PFDN2: variants seen among roughly 807,000 people sequenced by gnomAD.
The protein encoded by PFDN2 is prefoldin 2.
Under a neutral mutation model 18.3 loss-of-function variants are expected in PFDN2, and 7 were observed. The ratio of observed to expected loss-of-function variants is 0.38; its 90% confidence interval spans 0.22 to 0.72. The LOEUF (loss-of-function observed/expected upper bound fraction) is 0.72. Among genes scored for constraint, PFDN2 ranks in the 30% least tolerant of loss-of-function variants. PFDN2 has a pLI of 0.47. For missense variants in PFDN2, 181 were observed against 199.1 expected (o/e 0.91, Z 0.55); for synonymous variants, 76 against 75.0 (o/e 1.01, Z -0.07).
chr1:161,106,669 C>T (rs964521883), intron 1 of PFDN2, among the ~76,000 whole-genome samples: 4 of 152,158 alleles, frequency 2.6e-5, no homozygotes, highest in Admixed American at 6.5e-5. Context: ...ACTCCTGATT[C>T]ATCTGTTGCC....
intron 1 of PFDN2, among the ~76,000 whole-genome samples, chr1:161,113,552 A>T (rs752660110): frequency 5.3e-5 from 8 of 152,236 alleles, no homozygotes; most frequent in Non-Finnish European, 1.0e-4. Flanking sequence ...AAGCCAAGGC[A>T]GGTGGACTGC....
intron 1 of PFDN2, among the ~76,000 whole-genome samples, chr1:161,110,236 C>A (rs933016026): frequency 1.3e-5 from 2 of 151,914 alleles, no homozygotes; most frequent in South Asian, 4.2e-4. Context: ...TGGCTTATGC[C>A]TGTAGTCCCA....
At chr1:161,105,206 G>A (rs1331445672) in intron 1 of PFDN2, among the ~76,000 whole-genome samples, 1 of 152,122 alleles carries the variant, frequency 6.6e-6, no homozygotes, top group Admixed American at 6.5e-5. Flanking sequence ...TAACTCCTGG[G>A]CTCAAGTGAT....
intron 1 of PFDN2, among the ~76,000 whole-genome samples, chr1:161,117,150 T>C (rs1394648390): frequency 6.6e-6 from 1 of 152,110 alleles, no homozygotes; most frequent in African/African-American, 2.4e-5. Context: ...GAAGAATAGC[T>C]TGAATGAACC....
chr1:161,110,802 T>C (rs1005757308), intron 1 of PFDN2, among the ~76,000 whole-genome samples: 3 of 150,608 alleles, frequency 2.0e-5, no homozygotes, highest in Non-Finnish European at 4.4e-5. Flanking sequence ...ATAGTACTCA[T>C]CCCTTCTCTT....
intron 1 of PFDN2, among the ~76,000 whole-genome samples, chr1:161,108,457 C>CA (rs35647606): frequency 0.66 from 84,815 of 127,592 alleles, 27,189 homozygotes; most frequent in East Asian, 0.87. Flanking sequence ...AACTCCGTCT[C>CA]AAAAAAAAAA....
intron 1 of PFDN2, among the ~76,000 whole-genome samples, chr1:161,106,533 T>C (rs946833817): frequency 6.6e-6 from 1 of 152,180 alleles, no homozygotes; most frequent in African/African-American, 2.4e-5. Context: ...CCTTTCCTTA[T>C]TCCTTATTCT....
chr1:161,102,129 C>A lies in PFDN2; in HGVS notation c.207G>T (p.Lys69Asn). 1 of 1,614,214 alleles carries A rather than the reference C, an allele frequency of 6.2e-7. No homozygotes were observed. Among genetic ancestry groups the A allele is most frequent in the Non-Finnish European group, 8.5e-7 (1 of 1,180,014 alleles). Residue 69 changes from lysine (K) to asparagine (N), a missense_variant, in exon 3 of 4, where the codon AAG becomes AAT. Transcript: ENST00000368010. ...GCACTCCTCCAACCATGCGGTAGCA[C>A]TTACGAGTTTCATCTACCTCCTTCA... ...DTLKEVDETR[K>N]CYRMVGGVLV...
chr1:161,117,730 C>G (rs1655001980), intron 1 of PFDN2, among the ~76,000 whole-genome samples: 2 of 152,210 alleles, frequency 1.3e-5, no homozygotes, highest in African/African-American at 4.8e-5. Context: ...GGGCTTTCCC[C>G]TTGCTCAGGC....
At chr1:161,111,980 C>A (rs566625373) in intron 1 of PFDN2, among the ~76,000 whole-genome samples, 9 of 152,212 alleles carry the variant, frequency 5.9e-5, no homozygotes, top group African/African-American at 2.2e-4. Flanking sequence ...CAAAACCAGG[C>A]CTTTTCAGAA....
In PFDN2 at chr1:161,102,329, G is replaced by A. The variant is rs775504575; in HGVS notation, c.122C>T (p.Ala41Val). The change falls in exon 2 of 4, where the codon GCA becomes GTA. Residue 41 changes from alanine to valine, a missense_variant. Ala to Val is a moderately conservative substitution (Grantham distance 64). Coordinates refer to ENST00000368010, the MANE Select transcript of PFDN2 (RefSeq NM_012394.4). The stretch of plus-strand genomic sequence containing the variant: ...CATCTCCAACTCAGCTGCTTTGGAT[G>A]CCAGGCCTCGCTGTTCCTGCCGAAG... The part of the protein sequence containing the change: ...NRLRQEQRGL[A>V]SKAAELEMEL... The A allele has an allele frequency of 1.9e-6, 3 of 1,614,058 alleles. No individual in the cohort carries two copies. Among genetic ancestry groups the A allele is most frequent in the Non-Finnish European group, 2.5e-6 (3 of 1,180,020 alleles).
Position 161,101,344 on chromosome 1 carries a change from C to T in PFDN2, c.289-485G>A, listed in dbSNP as rs559334401. Among the ~76,000 whole-genome samples the T allele has an allele frequency of 1.6e-4, 25 of 151,992 alleles. No individual in the cohort carries two copies. In the South Asian group the frequency reaches 4.8e-3, roughly 29 times the overall value. The stretch of plus-strand genomic sequence containing the variant: ...CCTCCCGAGTAGCTAGGACCACAGG[C>T]GCCCACCACAACGCCCAGCCAATTT... On this transcript the variant is annotated intron_variant, in intron 3 of 3. Transcript: ENST00000368010.
chr1:161,102,800 A>G (rs192047547), intron 1 of PFDN2, among the ~76,000 whole-genome samples: 11 of 152,228 alleles, frequency 7.2e-5, no homozygotes, highest in Admixed American at 4.6e-4. Flanking sequence ...GCTACTAAAA[A>G]TAGAAAAATT....
At chr1:161,117,330 ACG>A (rs1377673629) in intron 1 of PFDN2, among the ~76,000 whole-genome samples, 4 of 152,246 alleles carry the variant, frequency 2.6e-5, no homozygotes, top group Non-Finnish European at 2.9e-5. Flanking sequence ...TTAGCAAAAC[ACG>A]GTTCCCAAGC....
intron 1 of PFDN2, among the ~76,000 whole-genome samples, chr1:161,110,638 G>A (rs147106960): frequency 6.6e-6 from 1 of 152,066 alleles, no homozygotes; most frequent in African/African-American, 2.4e-5. Context: ...GAATAGAAGA[G>A]GTAGAGAGTT....
At chr1:161,117,513 A>G (rs536494332) in intron 1 of PFDN2, among the ~76,000 whole-genome samples, 20 of 152,346 alleles carry the variant, frequency 1.3e-4, no homozygotes, top group Admixed American at 3.9e-4. Flanking sequence ...TATGAGAGTC[A>G]CGTGGCTCTG....
chr1:161,117,835 CTA>C, intron 1 of PFDN2, 115 bp downstream of exon 1: 1 of 949,040 alleles, frequency 1.1e-6, no homozygotes, highest in South Asian at 1.7e-5. Flanking sequence ...CCTTCCCTCT[CTA>C]GGTGCCACGC....
intron 1 of PFDN2, among the ~76,000 whole-genome samples, chr1:161,117,010 G>A (rs1654957106): frequency 2.0e-5 from 3 of 152,288 alleles, no homozygotes. Flanking sequence ...CGAGGCGTGC[G>A]GATCATTAGG....
rs375266818 is a variant in PFDN2, at chr1:161,118,012, G to A, written c.15C>T (p.Ser5=). ...TCCCGCTGCTCTTGCCGGCGCGACCGCTGTTCTCCGCCATCTTCGCCGCCT... is the reference window on the plus strand; with the variant it reads ...TCCCGCTGCTCTTGCCGGCGCGACCACTGTTCTCCGCCATCTTCGCCGCCT... MAEN[S]GRAGKSSGSG... Residue 5 remains serine, a synonymous_variant, in exon 1 of 4, where the codon AGC becomes AGT. Transcript: ENST00000368010. The A allele has an allele frequency of 1.2e-5, 20 of 1,611,862 alleles. No homozygotes were observed. Among genetic ancestry groups the A allele is most frequent in the African/African-American group, 1.1e-4 (8 of 74,968 alleles).
Sources: gnomAD v4.1 joint callset for allele counts (sites outside exome capture counted in the v4.1 genomes callset) on GRCh38, gnomAD v4.1.1 for gene constraint, MANE v1.5 for transcripts, NCBI Gene and HGNC (gene_info 2026-07-23, HGNC 2026-07-21) for gene names.